LCP2: variants seen among roughly 807,000 people sequenced by gnomAD.
LCP2 encodes the protein lymphocyte cytosolic protein 2.
In LCP2, 29 loss-of-function variants were observed where a neutral mutation model predicts 74.5. The observed-to-expected ratio is 0.39, with a 90% confidence interval of 0.29 to 0.53. The LOEUF (loss-of-function observed/expected upper bound fraction) is 0.53, where lower values mean the gene tolerates loss of function less well. Ranked by LOEUF, LCP2 falls within the 20% of genes least tolerant of loss-of-function variation. LCP2 has a pLI of 0.72. For missense variants in LCP2, 604 were observed against 634.6 expected (o/e 0.95, Z 0.52); for synonymous variants, 228 against 229.5 (o/e 0.99, Z 0.06).
chr5:170,296,873 A>T (rs1762396657), intron 1 of LCP2, among the ~76,000 whole-genome samples: 2 of 152,146 alleles, frequency 1.3e-5, no homozygotes, highest in African/African-American at 2.4e-5. Context: ...GTCCTGCTTC[A>T]CAAGACTCTC....
chr5:170,289,590 C>T (rs1469658361), intron 2 of LCP2, among the ~76,000 whole-genome samples: 1 of 149,802 alleles, frequency 6.7e-6, no homozygotes, highest in Non-Finnish European at 1.5e-5. Flanking sequence ...TTAACTACTC[C>T]TTTTCTTTCT....
Position 170,275,817 on chromosome 5 carries a change from T to C in LCP2, c.232A>G (p.Arg78Gly). The change falls in exon 4 of 21, where the codon AGG becomes GGG. Residue 78 changes from arginine to glycine, a missense_variant. Arg to Gly is a moderately radical substitution (Grantham distance 125). Transcript: ENST00000046794. Reference protein sequence around the residue: ...LSQEINKNEERRSIFTRKPQV... With the variant: ...LSQEINKNEEGRSIFTRKPQV... ...CACTTGCGTGTGAAGATGCTCCTCC[T>C]CTCTTCGTTCTTGTTGATTTCCTGA... The C allele has an allele frequency of 6.3e-7, 1 of 1,580,204 alleles. No homozygotes were observed. Among genetic ancestry groups the C allele is most frequent in the Non-Finnish European group, 8.6e-7 (1 of 1,160,594 alleles).
At position 170,247,254 on chromosome 5, in the gene LCP2, T is replaced by A. The variant is rs1387167331; in HGVS notation, c.*1443A>T. 6.6e-6 allele frequency: 1 copy of A among 152,182 alleles called. No homozygotes were observed. The highest frequency in any genetic ancestry group is 2.4e-5 in the African/African-American group (1 of 41,448). 9.4% of individuals were successfully genotyped at this position (152,182 alleles called of 1,614,324 possible). A position where few individuals can be genotyped will look rare whatever the true frequency, so the allele number is the denominator to read the frequency against. ...GGGTTTTCAGCCTTAAACTCCCAAG[T>A]TTTGGACCCTAAACTGAGAACTTCT... On this transcript the variant is annotated 3_prime_UTR_variant, in exon 21 of 21. Transcript: ENST00000046794.
intron 3 of LCP2, among the ~76,000 whole-genome samples, chr5:170,281,086 G>A (rs796855089): frequency 5.3e-5 from 8 of 152,302 alleles, no homozygotes; most frequent in African/African-American, 1.9e-4. Flanking sequence ...TTTATGGGGA[G>A]AGGAGGCTTC....
chr5:170,290,543 C>T (rs991409831), intron 2 of LCP2, among the ~76,000 whole-genome samples: 1 of 152,190 alleles, frequency 6.6e-6, no homozygotes, highest in Admixed American at 6.5e-5. Flanking sequence ...ATTCACCATA[C>T]ACCTTCTCCT....
chr5:170,294,347 G>T (rs1762336373), intron 1 of LCP2, among the ~76,000 whole-genome samples: 1 of 152,134 alleles, frequency 6.6e-6, no homozygotes, highest in African/African-American at 2.4e-5. Context: ...AGTTATATAG[G>T]ATCCATAGGA....
intron 3 of LCP2, among the ~76,000 whole-genome samples, chr5:170,279,897 T>C (rs2113197666): frequency 6.6e-6 from 1 of 151,644 alleles, no homozygotes; most frequent in South Asian, 2.1e-4. Flanking sequence ...AAATCAACTT[T>C]GCTGATGACA....
chr5:170,257,997 A>C lies in LCP2; in HGVS notation c.1100+40T>G, dbSNP rs200030989. 8.3e-5 allele frequency: 134 copies of C among 1,605,832 alleles called. 1 individual carries two copies. In the East Asian group the frequency reaches 2.8e-3, roughly 33 times the overall value. On this transcript the variant is annotated intron_variant, in intron 16 of 20. Coordinates refer to ENST00000046794, the MANE Select transcript of LCP2 (RefSeq NM_005565.5). The stretch of plus-strand genomic sequence containing the variant: ...TTACTTCAGTACTGGATGGACCTAA[A>C]CATTATATTAAGCTAGAATTTCATG...
chr5:170,261,407 G>GTGTGTATATA (rs150577805), intron 13 of LCP2, among the ~76,000 whole-genome samples: 11,832 of 145,924 alleles, frequency 0.081, 620 homozygotes, highest in Non-Finnish European at 0.12. Flanking sequence ...GTGTGTGTGT[G>GTGTGTATATA]TATATATATA....
In LCP2 at chr5:170,277,617, G is replaced by A. The variant is rs537224288; in HGVS notation, c.189-1757C>T. 2.4e-4 allele frequency among the ~76,000 whole-genome samples: 36 copies of A among 151,898 alleles called. 1 individual carries two copies. The highest frequency in any genetic ancestry group is 7.7e-4 in the African/African-American group (32 of 41,412). ...CAAAAATTAGTCAGGCATGGTGCAC[G>A]CCTGTAATCCCAGCTACTCAGGAGG... On this transcript the variant is annotated intron_variant, in intron 3 of 20. Transcript: ENST00000046794.
rs116627337 is a variant in LCP2 at position 170,246,976 on chromosome 5, C to T, written c.*1721G>A. 295 of 152,298 alleles carry T rather than the reference C, an allele frequency of 1.9e-3. No homozygotes were observed. Among genetic ancestry groups the T allele is most frequent in the African/African-American group, 6.8e-3 (283 of 41,550 alleles). 9.4% of individuals were successfully genotyped at this position (152,298 alleles called of 1,614,324 possible). ...TTTCCACTAATAGACTTAAAATGAG[C>T]TTTGGTTTGTTTTATAAACATGATT... On this transcript the variant is annotated 3_prime_UTR_variant, in exon 21 of 21. Coordinates refer to ENST00000046794, the MANE Select transcript of LCP2 (RefSeq NM_005565.5).
rs201980536 is a variant in LCP2, at chr5:170,263,013, A to G, written c.773-21T>C. ...CTTTCCTGTAAATGACAGAGAGCAG[A>G]TGGGCCATGAGTTCAGAACTTCATA... On this transcript the variant is annotated intron_variant, in intron 10 of 20. Transcript: ENST00000046794. 1.6e-3 allele frequency: 2,605 copies of G among 1,613,404 alleles called. 4 individuals are homozygous for G. Among genetic ancestry groups the G allele is most frequent in the Non-Finnish European group, 2.0e-3 (2,418 of 1,179,536 alleles).
At chr5:170,277,074 T>TAAAA (rs750930541) in intron 3 of LCP2, among the ~76,000 whole-genome samples, 29 of 91,130 alleles carry the variant, frequency 3.2e-4, no homozygotes, top group African/African-American at 8.2e-4. Flanking sequence ...GACTCCATCT[T>TAAAA]AAAAAAAAAA....
chr5:170,267,411 T>A (rs532363204), intron 8 of LCP2: 8 of 402,930 alleles, frequency 2.0e-5, no homozygotes, highest in Admixed American at 1.1e-4. Context: ...TTTCCTGTGA[T>A]CCCTTCTCAG....
At chr5:170,271,953 C>T (rs943294220) in intron 6 of LCP2, among the ~76,000 whole-genome samples, 1 of 152,182 alleles carries the variant, frequency 6.6e-6, no homozygotes, top group African/African-American at 2.4e-5. Context: ...ATATTAAAAA[C>T]ATCAACAACA....
intron 17 of LCP2, among the ~76,000 whole-genome samples, chr5:170,254,564 C>T (rs576141514): frequency 1.3e-5 from 2 of 152,320 alleles, no homozygotes; most frequent in South Asian, 2.1e-4. Flanking sequence ...TCTCCAAGTT[C>T]CCAGTGCCTA....
intron 3 of LCP2, among the ~76,000 whole-genome samples, chr5:170,282,186 A>G (rs1401916491): frequency 6.6e-6 from 1 of 152,232 alleles, no homozygotes; most frequent in Non-Finnish European, 1.5e-5. Flanking sequence ...AATCTATTTA[A>G]TACTTATATT....
At chr5:170,268,726 T>C (rs1218669807) in intron 7 of LCP2, among the ~76,000 whole-genome samples, 2 of 151,836 alleles carry the variant, frequency 1.3e-5, no homozygotes, top group Middle Eastern at 3.2e-3. Flanking sequence ...TTCACAGGAA[T>C]AGGTATTTAT....
intron 7 of LCP2, among the ~76,000 whole-genome samples, chr5:170,269,558 T>G (rs1297995870): frequency 6.6e-6 from 1 of 152,270 alleles, no homozygotes; most frequent in East Asian, 1.9e-4. Context: ...TGTTCTTCCC[T>G]TACCACATCC....
Sources: gnomAD v4.1 joint callset for allele counts (sites outside exome capture counted in the v4.1 genomes callset) on GRCh38, gnomAD v4.1.1 for gene constraint, MANE v1.5 for transcripts, NCBI Gene and HGNC (gene_info 2026-07-23, HGNC 2026-07-21) for gene names.